The following NABP1 variants were observed in gnomAD, a reference collection of about 807,000 sequenced individuals.
The protein encoded by NABP1 is SOSS complex subunit B2.
NABP1 carries 18 observed loss-of-function variants against 25.0 expected under a neutral mutation model. The ratio of observed to expected loss-of-function variants is 0.72; its 90% CI spans 0.50 to 1.07. NABP1 has a LOEUF of 1.07. Ranked by LOEUF, NABP1 falls within the 50% of genes least tolerant of loss-of-function variation. The pLI, the probability that NABP1 is intolerant of heterozygous loss-of-function variation, is 0.00. For synonymous variants in NABP1, 71 were observed against 85.0 expected (o/e 0.84, Z 0.91); for missense variants, 270 against 255.6 (o/e 1.06, Z -0.39).
At chr2:191,679,586 A>G (rs535756354) in intron 2 of NABP1, among the ~76,000 whole-genome samples, 1 of 151,986 alleles carries the variant, frequency 6.6e-6, no homozygotes, top group Non-Finnish European at 1.5e-5. Flanking sequence ...AGTGTTGCCC[A>G]GGCTGGTCTC....
intron 1 of NABP1, 99 bp downstream of exon 1, chr2:191,678,804 C>A: frequency 3.4e-6 from 4 of 1,181,654 alleles, no homozygotes; most frequent in South Asian, 2.8e-5. Context: ...CCTCCTCCTC[C>A]CTCCCCTCCC....
chr2:191,683,755 C>G lies in NABP1; in HGVS notation c.329C>G (p.Pro110Arg). ...GEFCMVYSEV[P>R]NFSEPNPDYR... ...TTTTGTATGGTTTATTCAGAAGTGC[C>G]AAATTTCAGTGAACCCAACCCAGAT... Residue 110 changes from proline to arginine, a missense_variant, in exon 4 of 6, where the codon CCA becomes CGA. Coordinates refer to ENST00000425611, the MANE Select transcript of NABP1 (RefSeq NM_001031716.5). The surrounding 1 kb of genome is among the most constrained non-coding windows in gnomAD (Gnocchi z 4.1). 6.2e-7 allele frequency: 1 copy of G among 1,610,336 alleles called. No individual in the cohort carries two copies. Among genetic ancestry groups the G allele is most frequent in the Non-Finnish European group, 8.5e-7 (1 of 1,178,998 alleles).
chr2:191,685,513 C>G, intron 5 of NABP1, 86 bp from the exon 6 acceptor site: 1 of 1,122,268 alleles, frequency 8.9e-7, no homozygotes, highest in Non-Finnish European at 1.2e-6. Flanking sequence ...TATTTTTAAG[C>G]ATTAATAACA....
At position 191,683,559 on chromosome 2, in the gene NABP1, T is replaced by A. The variant is rs977990460; in HGVS notation, c.303-170T>A. ...TTGTAGACAGTCAAATATTTGATGT[T>A]TTATGGGACATAATCATTTGGGAAG... On this transcript the variant is annotated intron_variant, in intron 3 of 5. Coordinates refer to ENST00000425611, the MANE Select transcript of NABP1 (RefSeq NM_001031716.5). The surrounding 1 kb of genome is among the most constrained non-coding windows in gnomAD (Gnocchi z 4.1). The A allele has an allele frequency of 2.1e-5, 12 of 584,252 alleles. No individual in the cohort carries two copies. The highest frequency in any genetic ancestry group is 2.7e-5 in the Non-Finnish European group (9 of 334,772). 36.2% of individuals were successfully genotyped at this position (584,252 alleles called of 1,614,324 possible).
Position 191,685,993 on chromosome 2 carries a change from G to C in NABP1, c.*225G>C, listed in dbSNP as rs1687810139. The C allele has an allele frequency of 4.6e-6, 2 of 432,952 alleles. No homozygotes were observed. The highest frequency in any genetic ancestry group is 8.2e-6 in the Non-Finnish European group (2 of 244,804). The allele number at this position is 432,952 out of a possible 1,614,324, so 26.8% of individuals were successfully genotyped here. A position where few individuals can be genotyped will look rare whatever the true frequency, so the allele number is the denominator to read the frequency against. On this transcript the variant is annotated 3_prime_UTR_variant, in exon 6 of 6. Coordinates refer to ENST00000425611, the MANE Select transcript of NABP1 (RefSeq NM_001031716.5). ...TGAAAAGTAGGGGCATTTATTTTTA[G>C]AGTAAAAAGATTATTGGATAGCCTT...
At position 191,679,173 on chromosome 2, in the gene NABP1, G is replaced by C. The variant is rs763470981; in HGVS notation, c.230+45G>C. 16 of 1,610,692 alleles carry C rather than the reference G, an allele frequency of 9.9e-6. 1 individual carries two copies. The highest frequency in any genetic ancestry group is 1.7e-4 in the Middle Eastern group (1 of 5,970). ...GGGGGACCTAACAGTCTGCAGAATC[G>C]GGATTGGCCGGCTCCTGGGATCTTG... On this transcript the variant is annotated intron_variant, in intron 2 of 5. Transcript: ENST00000425611.
Position 191,683,542 on chromosome 2 carries a change from A to C in NABP1, c.303-187A>C. On this transcript the variant is annotated intron_variant, in intron 3 of 5. Coordinates refer to ENST00000425611, the MANE Select transcript of NABP1 (RefSeq NM_001031716.5). This position sits in a 1 kb window ranked among gnomAD's most constrained non-coding sequence, Gnocchi z 4.1. The stretch of plus-strand genomic sequence containing the variant: ...ATAGAATGTTATATATCTTGTAGAC[A>C]GTCAAATATTTGATGTTTTATGGGA... The C allele has an allele frequency of 1.8e-6, 1 of 559,252 alleles. No homozygotes were observed. The highest frequency in any genetic ancestry group is 3.1e-6 in the Non-Finnish European group (1 of 320,058). 34.6% of individuals were successfully genotyped at this position (559,252 alleles called of 1,614,324 possible). A position where few individuals can be genotyped will look rare whatever the true frequency, so the allele number is the denominator to read the frequency against.
intron 2 of NABP1, among the ~76,000 whole-genome samples, chr2:191,679,851 G>A (rs1194785675): frequency 3.3e-5 from 5 of 152,042 alleles, no homozygotes; most frequent in Admixed American, 6.6e-5. Context: ...ATGTTATTTA[G>A]AAATGTGGAC....
In NABP1 at chr2:191,683,434, GA is replaced by G; in HGVS notation, c.303-290del. 1 of 317,532 alleles carries G rather than the reference GA, an allele frequency of 3.1e-6. No individual in the cohort carries two copies. The highest frequency in any genetic ancestry group is 5.9e-6 in the Non-Finnish European group (1 of 170,054). 19.7% of individuals were successfully genotyped at this position (317,532 alleles called of 1,614,324 possible). A position where few individuals can be genotyped will look rare whatever the true frequency, so the allele number is the denominator to read the frequency against. On this transcript the variant is annotated intron_variant, in intron 3 of 5. Coordinates refer to ENST00000425611, the MANE Select transcript of NABP1 (RefSeq NM_001031716.5). The surrounding 1 kb of genome is among the most constrained non-coding windows in gnomAD (Gnocchi z 4.1). ...ATTTTTCCTTTGATCAGCTTTTGTG[GA>G]AAAACAGGACAGAGATGTTTTTGTG...
chr2:191,685,783 T>G lies in NABP1; in HGVS notation c.*15T>G, dbSNP rs771639506. The G allele has an allele frequency of 1.9e-6, 3 of 1,612,404 alleles. No individual in the cohort carries two copies. Among genetic ancestry groups the G allele is most frequent in the Non-Finnish European group, 2.5e-6 (3 of 1,179,028 alleles). On this transcript the variant is annotated 3_prime_UTR_variant, in exon 6 of 6. Coordinates refer to ENST00000425611, the MANE Select transcript of NABP1 (RefSeq NM_001031716.5). ...TTAAAAGATGACCTATGCTAAATAC[T>G]CATGTGTAGTTTTTATACTACATGC...
intron 2 of NABP1, 76 bp downstream of exon 2, chr2:191,679,204 C>A: frequency 6.4e-7 from 1 of 1,564,272 alleles, no homozygotes; most frequent in Non-Finnish European, 8.8e-7. Flanking sequence ...TCTTGGCAAG[C>A]CCTGAAGTCC....
At chr2:191,678,809 C>G in intron 1 of NABP1, 104 bp downstream of exon 1, 1 of 1,206,944 alleles carries the variant, frequency 8.3e-7, no homozygotes, top group East Asian at 2.3e-5. Flanking sequence ...TCCTCCCTCC[C>G]CTCCCCCACC....
intron 2 of NABP1, among the ~76,000 whole-genome samples, chr2:191,681,219 A>T (rs993558891): frequency 6.6e-6 from 1 of 152,222 alleles, no homozygotes; most frequent in South Asian, 2.1e-4. Flanking sequence ...AGTTAAAGTC[A>T]TGAAGTTACC....
rs758491183 is a variant in NABP1, at chr2:191,678,587, C to T, written c.-28C>T. The T allele has an allele frequency of 1.3e-6, 2 of 1,558,392 alleles. No homozygotes were observed. Among genetic ancestry groups the T allele is most frequent in the South Asian group, 2.2e-5 (2 of 88,982 alleles). Reference sequence around the variant, plus strand: ...GACCCCGCCCTGCCCACTCGCGTCTCCGCAGCCGTAGCCGCGCCTGTCCCA... The same window carrying T: ...GACCCCGCCCTGCCCACTCGCGTCTTCGCAGCCGTAGCCGCGCCTGTCCCA... On this transcript the variant is annotated 5_prime_UTR_variant, in exon 1 of 6. Coordinates refer to ENST00000425611, the MANE Select transcript of NABP1 (RefSeq NM_001031716.5).
At position 191,678,483 on chromosome 2, in the gene NABP1, T is replaced by C; in HGVS notation, c.-132T>C. On this transcript the variant is annotated 5_prime_UTR_variant, in exon 1 of 6. Coordinates refer to ENST00000425611, the MANE Select transcript of NABP1 (RefSeq NM_001031716.5). ...GTTTGCCCGGTCCCTGACTAACGGC[T>C]TTCTGCCCCTTCTCTCGCCACCCCT... 1.6e-5 allele frequency: 8 copies of C among 512,340 alleles called. No homozygotes were observed. The highest frequency in any genetic ancestry group is 1.5e-4 in the South Asian group (7 of 47,894). 31.7% of individuals were successfully genotyped at this position (512,340 alleles called of 1,614,324 possible).
Position 191,685,638 on chromosome 2 carries a change from A to G in NABP1, c.485A>G (p.Gln162Arg). 1 of 1,613,922 alleles carries G rather than the reference A, an allele frequency of 6.2e-7. No individual in the cohort carries two copies. Among genetic ancestry groups the G allele is most frequent in the East Asian group, 2.2e-5 (1 of 44,870 alleles). The stretch of plus-strand genomic sequence containing the variant: ...ACTGGCCCTGAATCAAGGGAACACC[A>G]GTTTTCACATGCTGGCAGAAGCAAT... ...VHTGPESREH[Q>R]FSHAGRSNGR... Residue 162 changes from glutamine to arginine, a missense_variant, in exon 6 of 6, where the codon CAG becomes CGG. Coordinates refer to ENST00000425611, the MANE Select transcript of NABP1 (RefSeq NM_001031716.5).
At chr2:191,684,878 G>A in intron 5 of NABP1, 1 of 152,572 alleles carries the variant, frequency 6.6e-6, no homozygotes, top group Non-Finnish European at 1.5e-5. Context: ...TTGAGACAGG[G>A]TCTTACGCTG....
At chr2:191,679,930 A>G (rs1292585750) in intron 2 of NABP1, among the ~76,000 whole-genome samples, 1 of 152,202 alleles carries the variant, frequency 6.6e-6, no homozygotes, top group Non-Finnish European at 1.5e-5. Flanking sequence ...TTGGAAAAAG[A>G]GGGAAACTTT....
In NABP1 at chr2:191,683,860, A is replaced by G. The variant is rs1302587363; in HGVS notation, c.378+56A>G. ...CTAATTTTGACTGTGTTATAATTCT[A>G]TGATTAGGCTAGCCCTGTTGATACT... On this transcript the variant is annotated intron_variant, in intron 4 of 5. Coordinates refer to ENST00000425611, the MANE Select transcript of NABP1 (RefSeq NM_001031716.5). This position sits in a 1 kb window ranked among gnomAD's most constrained non-coding sequence, Gnocchi z 4.1. 1 of 1,304,270 alleles carries G rather than the reference A, an allele frequency of 7.7e-7. No homozygotes were observed. Among genetic ancestry groups the G allele is most frequent in the Non-Finnish European group, 1.1e-6 (1 of 916,610 alleles). 80.8% of individuals were successfully genotyped at this position (1,304,270 alleles called of 1,614,324 possible).
Sources: allele counts gnomAD v4.1 joint callset (sites outside exome capture counted in the v4.1 genomes callset), GRCh38; gene constraint gnomAD v4.1.1; non-coding constraint Gnocchi (gnomAD v3.1); transcripts MANE v1.5; gene names NCBI Gene and HGNC (gene_info 2026-07-23, HGNC 2026-07-21).